Variants in CSMD3 observed in about 807,000 individuals in gnomAD.
The protein encoded by CSMD3 is CUB and sushi domain-containing protein 3.
In CSMD3, 177 loss-of-function variants were observed where a neutral mutation model predicts 435.2. That is an observed-to-expected ratio of 0.41 (90% CI 0.36 to 0.46). The LOEUF (loss-of-function observed/expected upper bound fraction) is 0.46. CSMD3 is among the 20% of genes least tolerant of loss of function. The pLI, the probability that CSMD3 is intolerant of heterozygous loss-of-function variation, is 0.34. For missense variants in CSMD3, 4,265 were observed against 4,504.6 expected (o/e 0.95, Z 1.52); for synonymous variants, 1,656 against 1,520.5 (o/e 1.09, Z -2.07).
intron 12 of CSMD3, among the ~76,000 whole-genome samples, chr8:112,823,682 G>T (rs1452335430): frequency 6.6e-6 from 1 of 152,122 alleles, no homozygotes; most frequent in African/African-American, 2.4e-5. Context: ...TTTGGTCTGA[G>T]AGACTGTTTG....
chr8:113,268,432 A>G (rs1264462429), intron 3 of CSMD3, among the ~76,000 whole-genome samples: 1 of 151,930 alleles, frequency 6.6e-6, no homozygotes, highest in African/African-American at 2.4e-5. Flanking sequence ...TGGGAAATTC[A>G]AGTGTATGGT....
chr8:113,295,667 G>A (rs970250962), intron 2 of CSMD3, among the ~76,000 whole-genome samples: 5 of 152,150 alleles, frequency 3.3e-5, no homozygotes, highest in South Asian at 2.1e-4. Flanking sequence ...CCAGGTGGGC[G>A]AATTGCCTAA....
intron 13 of CSMD3, among the ~76,000 whole-genome samples, chr8:112,730,542 T>C (rs1263153692): frequency 3.3e-5 from 5 of 152,078 alleles, no homozygotes; most frequent in Non-Finnish European, 7.4e-5. Flanking sequence ...GTTTTGAATA[T>C]TTACTTCATT....
intron 27 of CSMD3, among the ~76,000 whole-genome samples, chr8:112,529,088 C>T (rs1046304776): frequency 5.9e-5 from 9 of 152,076 alleles, no homozygotes; most frequent in Non-Finnish European, 1.5e-5. Context: ...AACAAATAAA[C>T]AAACAAAATC....
At chr8:112,608,819 T>C (rs2131455728) in intron 22 of CSMD3, among the ~76,000 whole-genome samples, 1 of 152,142 alleles carries the variant, frequency 6.6e-6, no homozygotes, top group Non-Finnish European at 1.5e-5. Context: ...AAACTGGCTC[T>C]TTATCCTACA....
At chr8:112,550,278 ATG>A (rs1330416295) in intron 27 of CSMD3, among the ~76,000 whole-genome samples, 1 of 151,752 alleles carries the variant, frequency 6.6e-6, no homozygotes, top group Admixed American at 6.6e-5. Context: ...AACAGGAAAA[ATG>A]TAGGGTTGTA....
intron 10 of CSMD3, among the ~76,000 whole-genome samples, chr8:112,900,238 T>C (rs964258499): frequency 5.3e-5 from 8 of 151,396 alleles, no homozygotes; most frequent in Admixed American, 4.6e-4. Flanking sequence ...TCCATTGGTC[T>C]CTTGTGTGTA....
chr8:112,800,359 T>C (rs1411407471), intron 12 of CSMD3, 85 bp from the exon 13 acceptor site: 12 of 926,628 alleles, frequency 1.3e-5, no homozygotes, highest in Non-Finnish European at 2.0e-5. Flanking sequence ...TGTTTCTCAA[T>C]ACTTTCTTTG....
intron 1 of CSMD3, among the ~76,000 whole-genome samples, chr8:113,349,722 T>C (rs2094176704): frequency 6.6e-6 from 1 of 152,138 alleles, no homozygotes; most frequent in South Asian, 2.1e-4. Context: ...TGCCCTTAAA[T>C]TGATATTATA....
intron 5 of CSMD3, among the ~76,000 whole-genome samples, chr8:113,095,663 T>C (rs2090142379): frequency 1.3e-5 from 2 of 151,852 alleles, no homozygotes; most frequent in South Asian, 2.1e-4. Flanking sequence ...ATCAAAAATA[T>C]CTGAAAAAAA....
At chr8:113,309,798 C>T (rs1563682353) in intron 2 of CSMD3, 1 of 152,094 alleles carries the variant, frequency 6.6e-6, no homozygotes, top group African/African-American at 2.4e-5. Flanking sequence ...GTTGCCTGGC[C>T]CTCAGTCTTC....
rs540061048 is a variant in CSMD3, at chr8:112,225,695, A to G, written c.10965-765T>C. The stretch of plus-strand genomic sequence containing the variant: ...ATGAATGCTCAATTTTATTTTTTAA[A>G]TGGTATACATTAAAGCATGCAAATT... On this transcript the variant is annotated intron_variant, in intron 70 of 70. Coordinates refer to ENST00000297405, the MANE Select transcript of CSMD3 (RefSeq NM_198123.2). Among the ~76,000 whole-genome samples the G allele has an allele frequency of 5.8e-4, 89 of 152,290 alleles. No individual in the cohort carries two copies. In the South Asian group the frequency reaches 0.018, roughly 32 times the overall value.
chr8:112,895,219 CTA>C (rs1391680108), intron 10 of CSMD3, among the ~76,000 whole-genome samples: 1 of 150,746 alleles, frequency 6.6e-6, no homozygotes, highest in Non-Finnish European at 1.5e-5. Context: ...GGTATATAAG[CTA>C]TATATATATT....
chr8:112,993,118 T>C (rs1564188043), intron 6 of CSMD3, among the ~76,000 whole-genome samples: 1 of 151,662 alleles, frequency 6.6e-6, no homozygotes, highest in Non-Finnish European at 1.5e-5. Flanking sequence ...ACGGAAAGTA[T>C]AATGAGTACT....
chr8:112,386,054 G>C (rs990004967), intron 36 of CSMD3, among the ~76,000 whole-genome samples: 1 of 152,134 alleles, frequency 6.6e-6, no homozygotes, highest in African/African-American at 2.4e-5. Flanking sequence ...GAACACGGAG[G>C]CAGAAATTGG....
At chr8:112,261,255 ATATT>A (rs1816368185) in intron 61 of CSMD3, among the ~76,000 whole-genome samples, 1 of 152,240 alleles carries the variant, frequency 6.6e-6, no homozygotes, top group South Asian at 2.1e-4. Flanking sequence ...TATAAAATAT[ATATT>A]TATTTTATAC....
At chr8:112,252,993 T>G (rs1815423535) in intron 63 of CSMD3, among the ~76,000 whole-genome samples, 1 of 151,834 alleles carries the variant, frequency 6.6e-6, no homozygotes, top group Admixed American at 6.6e-5. Flanking sequence ...TTCATTTTGT[T>G]GGATGACTGT....
chr8:112,914,332 G>A (rs1564098418), intron 10 of CSMD3, among the ~76,000 whole-genome samples: 1 of 151,486 alleles, frequency 6.6e-6, no homozygotes, highest in Admixed American at 6.6e-5. Flanking sequence ...ATTTCTTAAC[G>A]GCATAATTTG....
chr8:112,551,829 A>G (rs1827713988), intron 26 of CSMD3, among the ~76,000 whole-genome samples: 1 of 152,056 alleles, frequency 6.6e-6, no homozygotes, highest in African/African-American at 2.4e-5. Flanking sequence ...TTACTACTTT[A>G]TATAAGTAGT....
Sources: allele counts gnomAD v4.1 joint callset (sites outside exome capture counted in the v4.1 genomes callset), GRCh38; gene constraint gnomAD v4.1.1; transcripts MANE v1.5; gene names NCBI Gene and HGNC (gene_info 2026-07-23, HGNC 2026-07-21).